The following MAP2 variants were observed in gnomAD, a reference collection of about 807,000 sequenced individuals.
The protein encoded by MAP2 is microtubule-associated protein 2.
In MAP2, 14 loss-of-function variants were observed where a neutral mutation model predicts 137.6. The observed-to-expected ratio is 0.10, with a 90% CI of 0.07 to 0.16. MAP2 has a LOEUF of 0.16. Ranked by LOEUF, MAP2 falls within the 10% of genes least tolerant of loss-of-function variation. The pLI, the probability that MAP2 is intolerant of heterozygous loss-of-function variation, is 1.00. For missense variants in MAP2, 2,088 were observed against 2,191.5 expected (o/e 0.95, Z 0.94); for synonymous variants, 786 against 782.3 (o/e 1.00, Z -0.08).
intron 10 of MAP2, among the ~76,000 whole-genome samples, chr2:209,698,436 G>A (rs1208796932): frequency 1.3e-5 from 2 of 152,080 alleles, no homozygotes; most frequent in Non-Finnish European, 2.9e-5. Context: ...TCTTTCCATT[G>A]TACATCATCA....
Position 209,696,176 on chromosome 2 carries a change from G to C in MAP2, c.4006G>C (p.Ala1336Pro), listed in dbSNP as rs759084969. Residue 1336 changes from alanine to proline, a missense_variant, in exon 8 of 16, where the codon GCA (alanine) becomes CCA (proline). Ala to Pro is a conservative substitution (Grantham distance 27). Transcript: ENST00000682079. ...TGAAGAAGAGTTTGAAGTAGAAGAG[G>C]CAGCTGAAGCCCAGGCAGAACCCAA... ...HDEEEFEVEEAAEAQAEPKDG... is the reference protein window; with the variant it reads ...HDEEEFEVEEPAEAQAEPKDG... 8 of 1,612,838 alleles carry C rather than the reference G, an allele frequency of 5.0e-6. No homozygotes were observed. In the South Asian group the frequency reaches 8.8e-5, roughly 18 times the overall value.
chr2:209,658,818 A>T (rs1457211889), intron 5 of MAP2, among the ~76,000 whole-genome samples: 4 of 152,024 alleles, frequency 2.6e-5, no homozygotes, highest in South Asian at 2.1e-4. Context: ...AGAGGAAAAA[A>T]TTTTCTAATT....
chr2:209,565,163 A>G (rs2073110655), intron 2 of MAP2, among the ~76,000 whole-genome samples: 1 of 152,174 alleles, frequency 6.6e-6, no homozygotes, highest in East Asian at 1.9e-4. Flanking sequence ...ATTGTGTTTT[A>G]AGCTGCCTGG....
At chr2:209,651,233 A>G (rs1162949217) in intron 4 of MAP2, among the ~76,000 whole-genome samples, 2 of 152,114 alleles carry the variant, frequency 1.3e-5, no homozygotes, top group Non-Finnish European at 2.9e-5. Flanking sequence ...TTTTCAATGT[A>G]CACAGGGAGA....
chr2:209,611,943 CGT>C (rs1429603001), intron 3 of MAP2, among the ~76,000 whole-genome samples: 4 of 152,046 alleles, frequency 2.6e-5, no homozygotes, highest in Non-Finnish European at 5.9e-5. Flanking sequence ...AACCTATTAG[CGT>C]GTATCACTAC....
Position 209,696,533 on chromosome 2 carries a change from G to A in MAP2, c.4181-9G>A, listed in dbSNP as rs1286637819. 1.9e-6 allele frequency: 3 copies of A among 1,600,964 alleles called. No individual in the cohort carries two copies. Among genetic ancestry groups the A allele is most frequent in the Non-Finnish European group, 2.6e-6 (3 of 1,174,502 alleles). ...TGTTGTTGTTGTCATGATTTGCTTT[G>A]ATCCACAGATGATGATAGGAGCATC... On this transcript the variant is annotated splice_polypyrimidine_tract_variant and intron_variant, in intron 8 of 15. Coordinates refer to ENST00000682079, the MANE Select transcript of MAP2 (RefSeq NM_001375505.1).
chr2:209,649,805 G>T (rs1416706473), intron 4 of MAP2, among the ~76,000 whole-genome samples: 1 of 152,144 alleles, frequency 6.6e-6, no homozygotes, highest in Non-Finnish European at 1.5e-5. Context: ...GAAGTTGGGT[G>T]ATACTTTTTA....
intron 1 of MAP2, among the ~76,000 whole-genome samples, chr2:209,491,015 T>C (rs966135170): frequency 2.0e-5 from 3 of 152,124 alleles, no homozygotes; most frequent in African/African-American, 7.2e-5. Context: ...CAGCACCACA[T>C]AGCACTTATT....
chr2:209,488,508 C>A (rs1205031913), intron 1 of MAP2, among the ~76,000 whole-genome samples: 2 of 152,134 alleles, frequency 1.3e-5, no homozygotes. Flanking sequence ...ATCCCACCCC[C>A]ACAGAATCCA....
At chr2:209,721,652 T>C (rs908341890) in intron 13 of MAP2, among the ~76,000 whole-genome samples, 1 of 152,236 alleles carries the variant, frequency 6.6e-6, no homozygotes, top group Non-Finnish European at 1.5e-5. Flanking sequence ...TAAATGTTAA[T>C]GTCAAACAGA....
chr2:209,489,805 AC>A (rs2058846254), intron 1 of MAP2, among the ~76,000 whole-genome samples: 1 of 152,202 alleles, frequency 6.6e-6, no homozygotes, highest in South Asian at 2.1e-4. Context: ...AAAACGCCAA[AC>A]CTACAATTGA....
intron 4 of MAP2, among the ~76,000 whole-genome samples, chr2:209,651,677 T>A (rs1267042747): frequency 6.6e-6 from 1 of 152,186 alleles, no homozygotes; most frequent in Non-Finnish European, 1.5e-5. Context: ...CCTAAATTTT[T>A]ACATCCTGTT....
intron 4 of MAP2, among the ~76,000 whole-genome samples, chr2:209,635,154 A>G (rs2093442615): frequency 1.3e-5 from 2 of 152,108 alleles, no homozygotes; most frequent in African/African-American, 4.8e-5. Flanking sequence ...TTATAGAAAT[A>G]CTCATTGTTT....
chr2:209,598,745 A>G (rs1302037497), intron 3 of MAP2, among the ~76,000 whole-genome samples: 1 of 150,702 alleles, frequency 6.6e-6, no homozygotes, highest in African/African-American at 2.4e-5. Context: ...ATGATTTCCA[A>G]TTTCATCCAT....
At chr2:209,636,212 AC>A (rs1280069282) in intron 4 of MAP2, among the ~76,000 whole-genome samples, 1 of 152,134 alleles carries the variant, frequency 6.6e-6, no homozygotes, top group Non-Finnish European at 1.5e-5. Context: ...TAAAGCAAAT[AC>A]TTCAGTGAGG....
In MAP2 at chr2:209,733,246, T is replaced by C. The variant is rs911593528; in HGVS notation, c.*2849T>C. 5.9e-5 allele frequency: 9 copies of C among 152,724 alleles called. No homozygotes were observed. The highest frequency in any genetic ancestry group is 1.9e-4 in the East Asian group (1 of 5,180). 9.5% of individuals were successfully genotyped at this position (152,724 alleles called of 1,614,324 possible). The stretch of plus-strand genomic sequence containing the variant: ...CCAGAAATTGGATACCTCATAATGA[T>C]GCAGGAAAGACCCGAGTTCATGATG... On this transcript the variant is annotated 3_prime_UTR_variant, in exon 16 of 16. Transcript: ENST00000682079.
chr2:209,536,704 T>G (rs1359951101), intron 2 of MAP2, among the ~76,000 whole-genome samples: 1 of 152,214 alleles, frequency 6.6e-6, no homozygotes, highest in African/African-American at 2.4e-5. Context: ...TGAAGCTATT[T>G]CAGAGCCTCA....
At chr2:209,668,453 T>C (rs2047303274) in intron 5 of MAP2, among the ~76,000 whole-genome samples, 1 of 152,066 alleles carries the variant, frequency 6.6e-6, no homozygotes, top group South Asian at 2.1e-4. Context: ...TTGTCTTACA[T>C]AATGAAGAAA....
At chr2:209,433,975 T>G (rs563106451) in intron 1 of MAP2, among the ~76,000 whole-genome samples, 5 of 152,174 alleles carry the variant, frequency 3.3e-5, no homozygotes, top group African/African-American at 1.2e-4. Context: ...GTAAACAAGG[T>G]CAGGTGCCAA....
Sources: allele counts gnomAD v4.1 joint callset (sites outside exome capture counted in the v4.1 genomes callset), GRCh38; gene constraint gnomAD v4.1.1; transcripts MANE v1.5; gene names NCBI Gene and HGNC (gene_info 2026-07-23, HGNC 2026-07-21).